Variants in TMPRSS9 observed in about 807,000 individuals in gnomAD.
TMPRSS9 encodes transmembrane serine protease 9.
TMPRSS9 carries 113 observed loss-of-function variants against 111.4 expected under a neutral mutation model. The observed-to-expected ratio is 1.01, with a 90% CI of 0.87 to 1.19. The LOEUF (loss-of-function observed/expected upper bound fraction) is 1.19. TMPRSS9 is among the 50% of genes most tolerant of loss of function. TMPRSS9 has a pLI of 0.00. For synonymous variants in TMPRSS9, 805 were observed against 659.1 expected (o/e 1.22, Z -3.39); for missense variants, 1,803 against 1,513.1 (o/e 1.19, Z -3.18).
chr19:2,417,999 T>G lies in TMPRSS9; in HGVS notation c.2018-3T>G, dbSNP rs779898001. ...GTGGCCTTTCTGGCTCTTTCCCTGG[T>G]AGCCACCAAGCCCGAGCTCCTGCAG... On this transcript the variant is annotated splice_polypyrimidine_tract_variant and splice_region_variant and intron_variant, in intron 12 of 17. Transcript: ENST00000648592. The G allele has an allele frequency of 3.1e-6, 5 of 1,611,178 alleles. No individual in the cohort carries two copies. Among genetic ancestry groups the G allele is most frequent in the Non-Finnish European group, 4.2e-6 (5 of 1,179,388 alleles).
intron 1 of TMPRSS9, among the ~76,000 whole-genome samples, chr19:2,370,952 AC>A (rs1568465951): frequency 6.6e-6 from 1 of 152,052 alleles, no homozygotes. Context: ...ACAGAGCCAG[AC>A]CCTATCTCAA....
intron 1 of TMPRSS9, among the ~76,000 whole-genome samples, chr19:2,364,844 G>A (rs1007540188): frequency 4.0e-5 from 6 of 151,850 alleles, no homozygotes; most frequent in African/African-American, 9.7e-5. Flanking sequence ...AAAATTAGCC[G>A]GGCCTGGTGG....
At chr19:2,389,752 G>A, upstream of TMPRSS9, 1 of 1,592,236 alleles carries the variant, frequency 6.3e-7, no homozygotes. Flanking sequence ...CTTGCTGTGT[G>A]GCATCCAGCT....
intron 1 of TMPRSS9, among the ~76,000 whole-genome samples, chr19:2,392,725 C>A (rs981305945): frequency 8.5e-5 from 13 of 152,138 alleles, no homozygotes; most frequent in Non-Finnish European, 1.8e-4. Context: ...TGTAAATGCA[C>A]CAATAAGCAC....
upstream of TMPRSS9, among the ~76,000 whole-genome samples, chr19:2,387,598 T>C (rs566990934): frequency 2.7e-5 from 4 of 150,840 alleles, no homozygotes; most frequent in East Asian, 7.9e-4. Context: ...GAAAGGAAAA[T>C]GAGCATGGCG....
upstream of TMPRSS9, among the ~76,000 whole-genome samples, chr19:2,388,018 A>G (rs1414448836): frequency 6.6e-6 from 1 of 152,180 alleles, no homozygotes; most frequent in Non-Finnish European, 1.5e-5. Context: ...TCTTTTGAAC[A>G]CTAGCCAACA....
At chr19:2,381,149 G>A (rs994389548) in intron 1 of TMPRSS9, among the ~76,000 whole-genome samples, 19 of 151,950 alleles carry the variant, frequency 1.3e-4, no homozygotes, top group Non-Finnish European at 1.9e-4. Context: ...AGGGTTCGAC[G>A]CAGCCAGGCC....
intron 1 of TMPRSS9, among the ~76,000 whole-genome samples, chr19:2,378,103 C>T (rs890819407): frequency 3.9e-5 from 6 of 152,048 alleles, no homozygotes; most frequent in African/African-American, 1.4e-4. Context: ...TGGTCTCAAA[C>T]TCCTGGCCTC....
chr19:2,384,686 G>C (rs1185862381), intron 1 of TMPRSS9, among the ~76,000 whole-genome samples: 1 of 151,790 alleles, frequency 6.6e-6, no homozygotes, highest in Non-Finnish European at 1.5e-5. Flanking sequence ...GTGGTGGCGG[G>C]CGCCTGTAGT....
exon 4 of TMPRSS9, chr19:2,399,148 A>G: frequency 6.2e-7 from 1 of 1,612,720 alleles, no homozygotes; most frequent in Non-Finnish European, 8.5e-7. Flanking sequence ...GGAGCACGGC[A>G]TCTCCCTGGC....
intron 4 of TMPRSS9, among the ~76,000 whole-genome samples, chr19:2,401,289 C>T (rs971853716): frequency 6.6e-6 from 1 of 151,852 alleles, no homozygotes; most frequent in Admixed American, 6.6e-5. Flanking sequence ...AAAAAAGTCA[C>T]CTTGACCTTG....
At chr19:2,415,543 T>G (rs979009360) in intron 10 of TMPRSS9, 127 bp from the exon 12 acceptor site, 2 of 896,142 alleles carry the variant, frequency 2.2e-6, no homozygotes, top group Admixed American at 3.5e-5. Flanking sequence ...CGGCTTCTTG[T>G]GTGGAACGGG....
chr19:2,367,345 T>A (rs996455204), intron 1 of TMPRSS9, among the ~76,000 whole-genome samples: 1 of 152,118 alleles, frequency 6.6e-6, no homozygotes, highest in South Asian at 2.1e-4. Context: ...ATAAATGAGA[T>A]GATGACTGTA....
intron 9 of TMPRSS9, among the ~76,000 whole-genome samples, chr19:2,412,443 C>G (rs905913794): frequency 1.3e-5 from 2 of 152,134 alleles, no homozygotes; most frequent in African/African-American, 4.8e-5. Context: ...TCAATTCTTG[C>G]CGTGATCTTA....
chr19:2,401,946 G>A (rs778132933), intron 4 of TMPRSS9, 29 bp from the exon 6 acceptor site: 2 of 1,601,682 alleles, frequency 1.2e-6, no homozygotes, highest in African/African-American at 2.7e-5. Flanking sequence ...CTTATTCAGT[G>A]AGCTTCTATC....
At position 2,423,005 on chromosome 19, in the gene TMPRSS9, C is replaced by T. The variant is rs532901197; in HGVS notation, c.2548+758C>T. Among the ~76,000 whole-genome samples the T allele has an allele frequency of 4.6e-5, 7 of 151,284 alleles. No homozygotes were observed. The South Asian group carries it at 8.4e-4, about 18-fold the overall frequency. ...TCAGGAAGCAGAGGCTGCAGTGAGCCGAGATCATGCCATTATACTCCAGCC... is the reference window on the plus strand; with the variant it reads ...TCAGGAAGCAGAGGCTGCAGTGAGCTGAGATCATGCCATTATACTCCAGCC... On this transcript the variant is annotated intron_variant, in intron 14 of 17. Coordinates refer to ENST00000648592, the Ensembl canonical transcript of TMPRSS9.
rs73510339 is a variant in TMPRSS9 at position 2,415,734 on chromosome 19, C to T, written c.1638C>T (p.Ser546=). Residue 546 remains serine (S), a synonymous_variant, in exon 11 of 18, where the codon TCC becomes TCT. Coordinates refer to ENST00000648592, the Ensembl canonical transcript of TMPRSS9. ...TCGTGGGCGGGTTCGGAGCTGCCTC[C>T]GGGGAGGTGCCCTGGCAGGTCAGCC... 1,069 of 1,610,240 alleles carry T rather than the reference C, an allele frequency of 6.6e-4. 5 individuals are homozygous for T. In the African/African-American group the frequency reaches 0.011, roughly 16 times the overall value.
chr19:2,363,107 A>T (rs1377271662), intron 1 of TMPRSS9, among the ~76,000 whole-genome samples: 2 of 152,140 alleles, frequency 1.3e-5, no homozygotes, highest in Non-Finnish European at 2.9e-5. Flanking sequence ...GCGGAATGGG[A>T]GTCCGTGTGT....
At chr19:2,420,614 TTCAA>T (rs34729663) in intron 13 of TMPRSS9, among the ~76,000 whole-genome samples, 8,812 of 152,174 alleles carry the variant, frequency 0.058, 250 homozygotes, top group East Asian at 0.099. Context: ...GCCCAAGTTC[TTCAA>T]TCAGACTTCT....
Sources: allele counts gnomAD v4.1 joint callset (sites outside exome capture counted in the v4.1 genomes callset), GRCh38; gene constraint gnomAD v4.1.1; transcripts MANE v1.5; gene names NCBI Gene and HGNC (gene_info 2026-07-23, HGNC 2026-07-21).